PCDHA6: variants seen among roughly 807,000 people sequenced by gnomAD.
PCDHA6 encodes protocadherin alpha-6.
In PCDHA6, 55 loss-of-function variants were observed where a neutral mutation model predicts 60.3. That is an observed-to-expected ratio of 0.91 (90% CI 0.73 to 1.14). PCDHA6 has a LOEUF of 1.14. Ranked by LOEUF, PCDHA6 falls within the 50% of genes most tolerant of loss-of-function variation. The pLI is 0.00. For missense variants in PCDHA6, 1,327 were observed against 1,256.5 expected, an observed-to-expected ratio of 1.06 and a Z score of -0.85; for synonymous variants, 652 against 557.9, an observed-to-expected ratio of 1.17 and a Z score of -2.38.
chr5:140,885,206 A>T (rs1304868227), intron 1 of PCDHA6, among the ~76,000 whole-genome samples: 1 of 152,038 alleles, frequency 6.6e-6, no homozygotes, highest in Admixed American at 6.6e-5. Context: ...CATATATCCC[A>T]TGAAAAATAT....
chr5:140,834,272 C>A, intron 1 of PCDHA6: 1 of 1,066,346 alleles, frequency 9.4e-7, no homozygotes, highest in Non-Finnish European at 1.4e-6. Flanking sequence ...CTCTTTCACT[C>A]TTTGGATGCA....
intron 1 of PCDHA6, among the ~76,000 whole-genome samples, chr5:140,911,947 G>C (rs559007219): frequency 6.6e-6 from 1 of 152,144 alleles, no homozygotes; most frequent in African/African-American, 2.4e-5. Context: ...TATATATAAA[G>C]GGGAGGTTAC....
chr5:140,835,133 A>G, intron 1 of PCDHA6: 2 of 1,375,436 alleles, frequency 1.5e-6, no homozygotes, highest in Non-Finnish European at 2.0e-6. Flanking sequence ...ATACGGTGAA[A>G]TTACCAGAAA....
intron 1 of PCDHA6, among the ~76,000 whole-genome samples, chr5:140,945,113 T>C (rs1359604882): frequency 2.6e-5 from 4 of 152,084 alleles, no homozygotes; most frequent in African/African-American, 4.8e-5. Flanking sequence ...AGTTGAAAGA[T>C]AAAAAATCAA....
chr5:140,891,604 C>T (rs1554184885), intron 1 of PCDHA6, among the ~76,000 whole-genome samples: 2 of 152,172 alleles, frequency 1.3e-5, no homozygotes, highest in African/African-American at 4.8e-5. Flanking sequence ...CCATCTATTT[C>T]TACCTTTTAT....
At chr5:140,872,792 G>A (rs1474880199) in intron 1 of PCDHA6, among the ~76,000 whole-genome samples, 1 of 152,054 alleles carries the variant, frequency 6.6e-6, no homozygotes, top group Non-Finnish European at 1.5e-5. Context: ...ATGCTAGTTG[G>A]CATTCTTCCA....
At chr5:140,968,125 T>G in intron 1 of PCDHA6, 2 of 1,614,174 alleles carry the variant, frequency 1.2e-6, no homozygotes, top group South Asian at 2.2e-5. Flanking sequence ...CATCCCTGCG[T>G]ACACTGAAGG....
Position 140,830,106 on chromosome 5 carries a change from G to C in PCDHA6, c.2015G>C (p.Ser672Thr), listed in dbSNP as rs150521839. The C allele has an allele frequency of 1.4e-5, 22 of 1,613,500 alleles. No individual in the cohort carries two copies. The highest frequency in any genetic ancestry group is 1.8e-5 in the Non-Finnish European group (21 of 1,179,876). The change falls in exon 1 of 4, where the codon AGT (serine) becomes ACT (threonine). Residue 672 changes from serine (S) to threonine (T), a missense_variant. Coordinates refer to ENST00000529310, the MANE Select transcript of PCDHA6 (RefSeq NM_018909.4). The stretch of plus-strand genomic sequence containing the variant: ...ACGGTTCTGGTGTCGCTGGTGGAGA[G>C]TGGCCAGGCTCCAAAGGCGTCATCA... ...TATVLVSLVE[S>T]GQAPKASSRA... is the part of the protein sequence containing the mutation.
chr5:140,832,420 A>C (rs1771976831), intron 1 of PCDHA6, among the ~76,000 whole-genome samples: 1 of 152,226 alleles, frequency 6.6e-6, no homozygotes, highest in African/African-American at 2.4e-5. Flanking sequence ...TTCTAAAAGA[A>C]GTACATGATA....
At chr5:140,888,503 T>C (rs1582952197) in intron 1 of PCDHA6, among the ~76,000 whole-genome samples, 1 of 152,132 alleles carries the variant, frequency 6.6e-6, no homozygotes, top group East Asian at 1.9e-4. Context: ...CTTTAAAGAG[T>C]CTTGGACTTA....
intron 3 of PCDHA6, among the ~76,000 whole-genome samples, chr5:140,996,588 G>A (rs1031631617): frequency 3.2e-4 from 49 of 152,082 alleles, no homozygotes; most frequent in Admixed American, 2.0e-3. Flanking sequence ...AACAAGGGCC[G>A]CCTCCCCCCA....
chr5:140,872,241 C>T (rs187831325), intron 1 of PCDHA6, among the ~76,000 whole-genome samples: 8 of 151,642 alleles, frequency 5.3e-5, no homozygotes, highest in Admixed American at 5.3e-4. Context: ...TGTCTTTATT[C>T]CTGTGATAAT....
chr5:140,948,005 T>G (rs246049), intron 1 of PCDHA6, among the ~76,000 whole-genome samples: 85,182 of 151,072 alleles, frequency 0.56, 24,606 homozygotes, highest in African/African-American at 0.69. Flanking sequence ...TTATTAAATT[T>G]AGGAAGTACC....
intron 1 of PCDHA6, chr5:140,836,621 G>A (rs2150265986): frequency 1.9e-5 from 31 of 1,613,494 alleles, no homozygotes; most frequent in Non-Finnish European, 2.5e-5. Context: ...GCGCGGTGGG[G>A]AGCTGGTCAT....
At chr5:140,900,712 A>G (rs1408382305) in intron 1 of PCDHA6, among the ~76,000 whole-genome samples, 2 of 152,234 alleles carry the variant, frequency 1.3e-5, no homozygotes, top group Non-Finnish European at 2.9e-5. Context: ...TTGGAAAGAA[A>G]GGAAATCCTA....
intron 1 of PCDHA6, chr5:140,877,392 G>A: frequency 1.2e-6 from 2 of 1,613,970 alleles, no homozygotes; most frequent in Non-Finnish European, 1.7e-6. Flanking sequence ...TGGATGAGGC[G>A]GACGCTCCGC....
chr5:140,838,514 G>A (rs1775767521), intron 1 of PCDHA6, among the ~76,000 whole-genome samples: 1 of 151,652 alleles, frequency 6.6e-6, no homozygotes, highest in African/African-American at 2.4e-5. Context: ...AAAAGTATTT[G>A]CATCTTATTT....
intron 3 of PCDHA6, among the ~76,000 whole-genome samples, chr5:140,995,541 G>T (rs1444257516): frequency 6.6e-5 from 10 of 152,186 alleles, no homozygotes; most frequent in Non-Finnish European, 1.3e-4. Context: ...CAAATAAGGG[G>T]CGATCACTGT....
chr5:140,875,216 A>T, intron 1 of PCDHA6: 1 of 717,612 alleles, frequency 1.4e-6, no homozygotes, highest in East Asian at 3.2e-5. Flanking sequence ...ACCGAAAAGA[A>T]CCTCAGGATC....
Sources: allele counts gnomAD v4.1 joint callset (sites outside exome capture counted in the v4.1 genomes callset), GRCh38; gene constraint gnomAD v4.1.1; transcripts MANE v1.5; gene names NCBI Gene and HGNC (gene_info 2026-07-23, HGNC 2026-07-21).